The following POLA1 variants were observed in gnomAD, a reference collection of about 807,000 sequenced individuals.
POLA1 encodes the protein DNA polymerase alpha catalytic subunit.
In POLA1, 15 loss-of-function variants were observed where a neutral mutation model predicts 124.0. The ratio of observed to expected loss-of-function variants is 0.12; its 90% CI spans 0.08 to 0.19. POLA1 has a LOEUF of 0.19. POLA1 is among the 10% of genes least tolerant of loss of function. The probability of loss-of-function intolerance (pLI) is 1.00; values close to 1 mark genes in which losing one functional copy is unlikely to be tolerated. For missense variants in POLA1, 886 were observed against 1,103.4 expected (o/e 0.80, Z 2.79); for synonymous variants, 408 against 389.4 (o/e 1.05, Z -0.56).
intron 26 of POLA1, among the ~76,000 whole-genome samples, chrX:24,759,595 A>G (rs774523065): frequency 2.7e-4 from 30 of 112,576 alleles, no homozygotes; most frequent in African/African-American, 8.7e-4. Context: ...AAGAAAAAGG[A>G]TAATTCGTAC....
chrX:24,927,616 A>G (rs2047714353), intron 35 of POLA1, among the ~76,000 whole-genome samples: 1 of 112,289 alleles, frequency 8.9e-6, no homozygotes, highest in African/African-American at 3.2e-5. Context: ...ACTTTGGTAC[A>G]TGATGTTCTA....
At chrX:24,953,889 T>C (rs890536411) in intron 36 of POLA1, among the ~76,000 whole-genome samples, 1 of 112,346 alleles carries the variant, frequency 8.9e-6, no homozygotes, top group Non-Finnish European at 1.9e-5. Context: ...GTGACTGGGA[T>C]AATGCAGTCT....
intron 36 of POLA1, among the ~76,000 whole-genome samples, chrX:24,936,103 A>G (rs997560576): frequency 8.9e-6 from 1 of 112,618 alleles, no homozygotes; most frequent in Non-Finnish European, 1.9e-5. Context: ...TCAGCTAAGT[A>G]GTTACACTCA....
intron 36 of POLA1, among the ~76,000 whole-genome samples, chrX:24,943,736 A>G (rs2047931905): frequency 8.9e-6 from 1 of 112,658 alleles, no homozygotes; most frequent in African/African-American, 3.2e-5. Flanking sequence ...AAATGAATGA[A>G]ATACAATTTT....
At chrX:24,981,974 T>C (rs955906997) in intron 36 of POLA1, among the ~76,000 whole-genome samples, 16 of 112,045 alleles carry the variant, frequency 1.4e-4, no homozygotes, top group Middle Eastern at 4.3e-3. Flanking sequence ...ACTTTTTATT[T>C]GGCAATTTTC....
intron 35 of POLA1, among the ~76,000 whole-genome samples, chrX:24,907,588 A>G (rs2047386858): frequency 8.9e-6 from 1 of 112,254 alleles, no homozygotes; most frequent in Non-Finnish European, 1.9e-5. Flanking sequence ...AACATTTTGG[A>G]AGTGTTTAAA....
chrX:24,726,188 A>G, intron 13 of POLA1, 133 bp downstream of exon 13: 1 of 434,855 alleles, frequency 2.3e-6, no homozygotes, highest in Non-Finnish European at 4.0e-6. Flanking sequence ...GTGGATTTAT[A>G]GTAATGAATA....
chrX:24,989,415 A>G (rs944560611), intron 36 of POLA1, among the ~76,000 whole-genome samples: 2 of 110,199 alleles, frequency 1.8e-5, no homozygotes, highest in East Asian at 5.7e-4. Flanking sequence ...TTAATTGGAC[A>G]TTAAGATTTT....
At chrX:24,726,191 A>G in intron 13 of POLA1, 136 bp downstream of exon 13, 2 of 433,442 alleles carry the variant, frequency 4.6e-6, no homozygotes, top group South Asian at 8.4e-5. Flanking sequence ...GATTTATAGT[A>G]ATGAATAATT....
At chrX:24,742,169 C>A (rs201577552) in intron 22 of POLA1, 48 bp downstream of exon 22, 23 of 823,964 alleles carry the variant, frequency 2.8e-5, no homozygotes, top group Admixed American at 8.5e-5. Flanking sequence ...ACCCCCCCCC[C>A]CCTTTTAATA....
chrX:24,731,966 A>G (rs1930932226), intron 15 of POLA1, among the ~76,000 whole-genome samples: 1 of 111,532 alleles, frequency 9.0e-6, no homozygotes. Flanking sequence ...AGTATTTATT[A>G]TTTTTCGAGA....
At chrX:24,791,050 A>G (rs1373216018) in intron 26 of POLA1, among the ~76,000 whole-genome samples, 1 of 109,204 alleles carries the variant, frequency 9.2e-6, no homozygotes, top group South Asian at 4.0e-4. Flanking sequence ...CTTACTGTCA[A>G]TCGGTGGCAT....
rs770003754 is a variant in POLA1, at chrX:24,989,378, G to C, written c.4262-6427G>C. Among the ~76,000 whole-genome samples the C allele has an allele frequency of 6.3e-5, 7 of 111,050 alleles. No individual in the cohort carries two copies. The South Asian group carries it at 2.7e-3, about 43-fold the overall frequency. The stretch of plus-strand genomic sequence containing the variant: ...CCCTGAGCACCACTGACCTGGGACT[G>C]ATCATCTCCTTGTCTGTCATGGAAT... On this transcript the variant is annotated intron_variant, in intron 36 of 36. Transcript: ENST00000379068.
intron 26 of POLA1, among the ~76,000 whole-genome samples, chrX:24,774,638 A>G (rs2045101527): frequency 9.0e-6 from 1 of 111,406 alleles, no homozygotes; most frequent in African/African-American, 3.3e-5. Flanking sequence ...GGGCTTGTAT[A>G]CCTTTGGCTG....
At chrX:24,920,788 T>C (rs2047605438) in intron 35 of POLA1, among the ~76,000 whole-genome samples, 1 of 112,046 alleles carries the variant, frequency 8.9e-6, no homozygotes, top group South Asian at 3.8e-4. Flanking sequence ...AACTAGAAAG[T>C]GTCAAATTGA....
intron 26 of POLA1, among the ~76,000 whole-genome samples, chrX:24,768,421 A>C (rs1602357700): frequency 8.9e-6 from 1 of 111,907 alleles, no homozygotes; most frequent in Non-Finnish European, 1.9e-5. Flanking sequence ...ACCACAGCTC[A>C]AACTTGGCAT....
intron 36 of POLA1, among the ~76,000 whole-genome samples, chrX:24,961,241 C>A (rs745706390): frequency 9.0e-6 from 1 of 111,731 alleles, no homozygotes; most frequent in South Asian, 3.8e-4. Context: ...TTTTCACCAT[C>A]TTGCTTGGAT....
rs965475575 is a variant in POLA1 at position 24,819,789 on chromosome X, A to G, written c.3430-1663A>G. Among the ~76,000 whole-genome samples, 4 of 110,957 alleles carry G rather than the reference A, an allele frequency of 3.6e-5. No homozygotes were observed. In the Admixed American group the frequency reaches 3.8e-4, roughly 11 times the overall value. ...CTGCATGGATTAGATATTTGTCCTA[A>G]TGCTCTCCCTCCCCTTCCTCCCTAC... is the stretch of plus-strand genomic sequence containing the variant. On this transcript the variant is annotated intron_variant, in intron 30 of 36. Coordinates refer to ENST00000379068, the MANE Select transcript of POLA1 (RefSeq NM_001330360.2).
chrX:24,843,868 A>G (rs752770574), intron 34 of POLA1, among the ~76,000 whole-genome samples, 191 bp downstream of exon 34: 10 of 112,232 alleles, frequency 8.9e-5, no homozygotes, highest in Non-Finnish European at 1.3e-4. Context: ...AATTTCTCTC[A>G]GGCATTACAT....
Sources: gnomAD v4.1 joint callset for allele counts (sites outside exome capture counted in the v4.1 genomes callset) on GRCh38, gnomAD v4.1.1 for gene constraint, MANE v1.5 for transcripts, NCBI Gene and HGNC (gene_info 2026-07-23, HGNC 2026-07-21) for gene names.